EPHB1: variants seen among roughly 807,000 people sequenced by gnomAD.
EPHB1 encodes EPH receptor B1.
EPHB1 carries 30 observed loss-of-function variants against 94.4 expected under a neutral mutation model. The ratio of observed to expected loss-of-function variants is 0.32; its 90% CI spans 0.24 to 0.43. The LOEUF (loss-of-function observed/expected upper bound fraction) is 0.43, where lower values mean the gene tolerates loss of function less well. Ranked by LOEUF, EPHB1 falls within the 20% of genes least tolerant of loss-of-function variation. The pLI, the probability that EPHB1 is intolerant of heterozygous loss-of-function variation, is 1.00. For missense variants in EPHB1, 1,055 were observed against 1,308.3 expected (o/e 0.81, Z 2.99); for synonymous variants, 522 against 489.1 (o/e 1.07, Z -0.89).
chr3:135,129,693 G>A (rs1027668165), intron 4 of EPHB1, among the ~76,000 whole-genome samples: 1 of 152,172 alleles, frequency 6.6e-6, no homozygotes, highest in South Asian at 2.1e-4. Context: ...ATCTGACTTA[G>A]GCACCTGGAA....
At chr3:135,147,278 C>T (rs540778383) in intron 5 of EPHB1, among the ~76,000 whole-genome samples, 9 of 152,286 alleles carry the variant, frequency 5.9e-5, no homozygotes, top group South Asian at 4.1e-4. Context: ...GGCTGGGAAA[C>T]GCTGTTCTAG....
chr3:134,825,096 T>C (rs1027881937), intron 1 of EPHB1, among the ~76,000 whole-genome samples: 2 of 152,208 alleles, frequency 1.3e-5, no homozygotes, highest in African/African-American at 4.8e-5. Context: ...AAGCAGTCCC[T>C]TGAATTTGCT....
At chr3:135,038,675 G>A (rs1326373839) in intron 3 of EPHB1, among the ~76,000 whole-genome samples, 1 of 152,138 alleles carries the variant, frequency 6.6e-6, no homozygotes, top group Non-Finnish European at 1.5e-5. Flanking sequence ...GATGTGTTCG[G>A]AGTTTCTTCC....
chr3:134,913,479 C>G (rs2038498777), intron 1 of EPHB1, among the ~76,000 whole-genome samples: 1 of 152,204 alleles, frequency 6.6e-6, no homozygotes, highest in Non-Finnish European at 1.5e-5. Context: ...GAAGCACCAT[C>G]CCTGACTTTG....
intron 3 of EPHB1, among the ~76,000 whole-genome samples, chr3:135,083,778 C>T (rs1938243401): frequency 6.6e-6 from 1 of 152,092 alleles, no homozygotes; most frequent in Admixed American, 6.6e-5. Flanking sequence ...TTAATTGAGG[C>T]CTGCATATTA....
At chr3:135,020,584 A>T (rs1483263597) in intron 3 of EPHB1, among the ~76,000 whole-genome samples, 1 of 152,234 alleles carries the variant, frequency 6.6e-6, no homozygotes, top group African/African-American at 2.4e-5. Flanking sequence ...AGGTTGTAGC[A>T]TGTCTCAATA....
intron 1 of EPHB1, among the ~76,000 whole-genome samples, chr3:134,900,566 C>T (rs2038178990): frequency 6.6e-6 from 1 of 152,118 alleles, no homozygotes; most frequent in Non-Finnish European, 1.5e-5. Flanking sequence ...GACTCCTCTT[C>T]CTCCTGCCCT....
At chr3:134,982,126 A>G (rs1934423852) in intron 3 of EPHB1, among the ~76,000 whole-genome samples, 1 of 152,088 alleles carries the variant, frequency 6.6e-6, no homozygotes, top group South Asian at 2.1e-4. Context: ...CCAAGTCCTT[A>G]CTCTTCAATG....
intron 4 of EPHB1, among the ~76,000 whole-genome samples, chr3:135,115,365 C>G (rs1361329989): frequency 6.6e-6 from 1 of 152,202 alleles, no homozygotes; most frequent in Non-Finnish European, 1.5e-5. Flanking sequence ...TCAATATTCT[C>G]TGCTCCAATT....
chr3:134,818,496 C>T (rs916896664), intron 1 of EPHB1, among the ~76,000 whole-genome samples: 2 of 152,122 alleles, frequency 1.3e-5, no homozygotes, highest in African/African-American at 2.4e-5. Flanking sequence ...TACACTGCAC[C>T]ATATTTGTAG....
intron 13 of EPHB1, among the ~76,000 whole-genome samples, chr3:135,242,932 C>T (rs1220844363): frequency 6.6e-6 from 1 of 151,894 alleles, no homozygotes; most frequent in African/African-American, 2.4e-5. Flanking sequence ...ACAAATTAGC[C>T]AGGTATGGTG....
intron 3 of EPHB1, among the ~76,000 whole-genome samples, chr3:134,958,854 G>A (rs1295629575): frequency 1.3e-5 from 2 of 152,170 alleles, no homozygotes; most frequent in Non-Finnish European, 2.9e-5. Context: ...TCTGGAGGCG[G>A]CAGAGGATGG....
intron 3 of EPHB1, among the ~76,000 whole-genome samples, chr3:135,076,613 A>C (rs917461677): frequency 6.6e-6 from 1 of 152,206 alleles, no homozygotes; most frequent in Non-Finnish European, 1.5e-5. Context: ...AGAGAATGAA[A>C]ACATATGTCC....
intron 3 of EPHB1, among the ~76,000 whole-genome samples, chr3:135,010,558 G>GTTTTTTTT (rs58579496): frequency 9.1e-6 from 1 of 110,394 alleles, no homozygotes; most frequent in Non-Finnish European, 1.8e-5. Flanking sequence ...ATTTTTTTCT[G>GTTTTTTTT]TTTTTTTTTT....
At chr3:135,255,639 A>T (rs1933348976) in intron 15 of EPHB1, among the ~76,000 whole-genome samples, 1 of 150,522 alleles carries the variant, frequency 6.6e-6, no homozygotes, top group Non-Finnish European at 1.5e-5. Context: ...ACTTCCAAGT[A>T]TGTGGTCAAT....
At chr3:134,991,022 T>C (rs1934777054) in intron 3 of EPHB1, among the ~76,000 whole-genome samples, 1 of 152,216 alleles carries the variant, frequency 6.6e-6, no homozygotes, top group Admixed American at 6.5e-5. Flanking sequence ...CGTGGAGCTC[T>C]TTTTCTGTCT....
At chr3:134,897,538 C>T (rs974611701) in intron 1 of EPHB1, among the ~76,000 whole-genome samples, 4 of 152,174 alleles carry the variant, frequency 2.6e-5, no homozygotes, top group Non-Finnish European at 2.9e-5. Context: ...ATTTTCTCCA[C>T]GGGTCTTTTC....
At chr3:135,120,591 T>C (rs1438700716) in intron 4 of EPHB1, among the ~76,000 whole-genome samples, 1 of 152,222 alleles carries the variant, frequency 6.6e-6, no homozygotes, top group African/African-American at 2.4e-5. Flanking sequence ...ATCAGGACTT[T>C]CTCTTGGGTG....
At chr3:135,005,034 T>A (rs1015800952) in intron 3 of EPHB1, among the ~76,000 whole-genome samples, 1 of 152,260 alleles carries the variant, frequency 6.6e-6, no homozygotes, top group Non-Finnish European at 1.5e-5. Flanking sequence ...GGAGAGGCGC[T>A]CTGCTTTTTA....
Sources: allele counts gnomAD v4.1 joint callset (sites outside exome capture counted in the v4.1 genomes callset), GRCh38; gene constraint gnomAD v4.1.1; transcripts MANE v1.5; gene names NCBI Gene and HGNC (gene_info 2026-07-23, HGNC 2026-07-21).